Variants in CPNE3 observed in about 807,000 individuals in gnomAD.
The protein encoded by CPNE3 is copine-3.
A neutral mutation model predicts 63.9 loss-of-function variants in CPNE3; 68 were observed. The observed-to-expected ratio is 1.06, with a 90% CI of 0.87 to 1.30. The LOEUF (loss-of-function observed/expected upper bound fraction) is 1.30. Among genes scored for constraint, CPNE3 ranks in the 50% most tolerant of loss-of-function variants. CPNE3 has a pLI of 0.00. For missense variants in CPNE3, 665 were observed against 578.1 expected (o/e 1.15, Z -1.54); for synonymous variants, 219 against 197.5 (o/e 1.11, Z -0.91).
intron 2 of CPNE3, among the ~76,000 whole-genome samples, chr8:86,520,554 C>CAAA (rs535323913): frequency 1.2e-3 from 163 of 130,616 alleles, no homozygotes; most frequent in Non-Finnish European, 2.2e-3. Context: ...AAGTCCATCT[C>CAAA]AAAAAAAAAA....
chr8:86,539,648 T>G (rs939056988), intron 7 of CPNE3, among the ~76,000 whole-genome samples: 1 of 149,598 alleles, frequency 6.7e-6, no homozygotes, highest in African/African-American at 2.5e-5. Context: ...TTAAAATCAA[T>G]AATCCTCCGC....
At chr8:86,545,794 CAGTG>C (rs1173251236) in intron 9 of CPNE3, among the ~76,000 whole-genome samples, 1 of 152,142 alleles carries the variant, frequency 6.6e-6, no homozygotes, top group African/African-American at 2.4e-5. Flanking sequence ...TTAGGCAAGA[CAGTG>C]AGAATTTGAA....
intron 12 of CPNE3, 170 bp from the exon 13 acceptor site, chr8:86,550,876 A>T: frequency 1.6e-6 from 1 of 630,600 alleles, no homozygotes; most frequent in African/African-American, 1.8e-5. Context: ...AATATTTAGG[A>T]TGAGAGTTGT....
Position 86,554,858 on chromosome 8 carries a change from A to G in CPNE3, c.1128A>G (p.Gln376=). 2 of 1,613,276 alleles carry G rather than the reference A, an allele frequency of 1.2e-6. No individual in the cohort carries two copies. The highest frequency in any genetic ancestry group is 1.7e-6 in the Non-Finnish European group (2 of 1,179,666). The change falls in exon 15 of 17, where the codon CAA becomes CAG. Residue 376 remains glutamine, a synonymous_variant. Coordinates refer to ENST00000517490, the MANE Select transcript of CPNE3 (RefSeq NM_003909.5). The part of the protein sequence containing the change: ...NPSNPYCNGI[Q]GIVEAYRSCL... Reference sequence around the variant, plus strand: ...TTTGTTTGTTTGTTCTAGGAATCCAAGGCATTGTAGAGGCGTATCGGTCTT... The same window carrying G: ...TTTGTTTGTTTGTTCTAGGAATCCAGGGCATTGTAGAGGCGTATCGGTCTT...
intron 8 of CPNE3, among the ~76,000 whole-genome samples, chr8:86,541,844 A>C (rs988473326): frequency 6.6e-6 from 1 of 152,192 alleles, no homozygotes; most frequent in Non-Finnish European, 1.5e-5. Flanking sequence ...TCCGAAATAA[A>C]TAGTTGAAAA....
At chr8:86,537,413 G>C in intron 6 of CPNE3, 150 bp from the exon 7 acceptor site, 1 of 571,288 alleles carries the variant, frequency 1.8e-6, no homozygotes, top group Non-Finnish European at 3.2e-6. Context: ...AAGTTTCTAA[G>C]TTAGGGAGAA....
chr8:86,525,706 A>G (rs886402236), intron 2 of CPNE3, among the ~76,000 whole-genome samples: 4 of 152,152 alleles, frequency 2.6e-5, no homozygotes, highest in Non-Finnish European at 4.4e-5. Context: ...AGATGTCTTC[A>G]TTCTCTGTTG....
intron 8 of CPNE3, among the ~76,000 whole-genome samples, chr8:86,543,325 G>T (rs1820982726): frequency 6.6e-6 from 1 of 152,068 alleles, no homozygotes; most frequent in African/African-American, 2.4e-5. Context: ...TGACTGTTTT[G>T]ATTGATTGAT....
At chr8:86,515,324 T>C (rs1039854005) in intron 1 of CPNE3, 138 bp from the exon 2 acceptor site, 5 of 152,204 alleles carry the variant, frequency 3.3e-5, no homozygotes, top group South Asian at 2.1e-4. Context: ...GATAATCAAA[T>C]AGAGGGAAGG....
At chr8:86,541,047 G>A (rs1485038650) in intron 8 of CPNE3, among the ~76,000 whole-genome samples, 1 of 152,152 alleles carries the variant, frequency 6.6e-6, no homozygotes, top group Non-Finnish European at 1.5e-5. Flanking sequence ...ATTACAGATA[G>A]AGGTCTTTTT....
chr8:86,551,052 G>A lies in CPNE3; in HGVS notation c.1020G>A (p.Lys340=). 1 of 1,604,926 alleles carries A rather than the reference G, an allele frequency of 6.2e-7. No individual in the cohort carries two copies. The highest frequency in any genetic ancestry group is 8.5e-7 in the Non-Finnish European group (1 of 1,175,496). ...AATATTTTTTTCTTTTTAGTGATAA[G>A]ATGTTTCCAGCTTTTGGTTTTGGCG... ...GLVIQDYDAD[K]MFPAFGFGAQ... Residue 340 remains lysine, a synonymous_variant, in exon 13 of 17, where the codon AAG becomes AAA. Coordinates refer to ENST00000517490, the MANE Select transcript of CPNE3 (RefSeq NM_003909.5).
intron 6 of CPNE3, 32 bp downstream of exon 6, chr8:86,532,612 G>C: frequency 6.4e-7 from 1 of 1,560,964 alleles, no homozygotes; most frequent in Non-Finnish European, 8.7e-7. Flanking sequence ...CAAAAAGGTT[G>C]TCATGTTTTG....
rs144127438 is a variant in CPNE3, at chr8:86,551,850, G to C, written c.1120+616G>C. 4.0e-3 allele frequency among the ~76,000 whole-genome samples: 615 copies of C among 152,332 alleles called. 3 individuals are homozygous for C. Among genetic ancestry groups the C allele is most frequent in the African/African-American group, 0.014 (563 of 41,586 alleles). On this transcript the variant is annotated intron_variant, in intron 14 of 16. Coordinates refer to ENST00000517490, the MANE Select transcript of CPNE3 (RefSeq NM_003909.5). ...TATTTATTTAAAAAAATAGAGACAA[G>C]GTCTCGCTATGTTGGCCAGGCTGGT...
intron 16 of CPNE3, among the ~76,000 whole-genome samples, chr8:86,556,620 A>G (rs964239421): frequency 2.0e-5 from 3 of 152,226 alleles, no homozygotes; most frequent in Admixed American, 1.3e-4. Context: ...ATGTAACTGT[A>G]TGCCAAATCC....
intron 4 of CPNE3, among the ~76,000 whole-genome samples, chr8:86,530,305 G>A (rs1396942344): frequency 6.6e-6 from 1 of 151,964 alleles, no homozygotes; most frequent in African/African-American, 2.4e-5. Flanking sequence ...AAGTAGCTAG[G>A]ACTATAAGCA....
At chr8:86,557,406 G>C (rs1027057087) in intron 16 of CPNE3, among the ~76,000 whole-genome samples, 9 of 152,156 alleles carry the variant, frequency 5.9e-5, no homozygotes, top group African/African-American at 2.2e-4. Context: ...TAAGTGCTGG[G>C]ATTACAGCCG....
At position 86,555,981 on chromosome 8, in the gene CPNE3, G is replaced by A. The variant is rs1821315900; in HGVS notation, c.1255-121G>A. 4.3e-6 allele frequency: 3 copies of A among 692,670 alleles called. 1 individual carries two copies. The Admixed American group carries it at 6.4e-5, about 15-fold the overall frequency. The allele number at this position is 692,670 out of a possible 1,614,324, so 42.9% of individuals were successfully genotyped here. On this transcript the variant is annotated intron_variant, in intron 15 of 16. Coordinates refer to ENST00000517490, the MANE Select transcript of CPNE3 (RefSeq NM_003909.5). ...AGAAGCTTAGAATATTTTATGTGGT[G>A]GTAGCTAGGGTAGAGACTGGCAAGG...
chr8:86,539,926 A>T (rs1820894438), intron 7 of CPNE3, among the ~76,000 whole-genome samples: 1 of 151,918 alleles, frequency 6.6e-6, no homozygotes, highest in Admixed American at 6.6e-5. Flanking sequence ...CGGCCTCCCA[A>T]AGTGTGGGGA....
At chr8:86,544,897 T>C (rs1821015023) in intron 9 of CPNE3, 59 bp downstream of exon 9, 6 of 1,034,064 alleles carry the variant, frequency 5.8e-6, no homozygotes, top group African/African-American at 3.3e-5. Context: ...TTTATTACTG[T>C]ATTTCATTTT....
Sources: gnomAD v4.1 joint callset for allele counts (sites outside exome capture counted in the v4.1 genomes callset) on GRCh38, gnomAD v4.1.1 for gene constraint, MANE v1.5 for transcripts, NCBI Gene and HGNC (gene_info 2026-07-23, HGNC 2026-07-21) for gene names.